The following NUP210 variants were observed in gnomAD, a reference collection of about 807,000 sequenced individuals.
The protein encoded by NUP210 is nuclear pore membrane glycoprotein 210.
Under a neutral mutation model 196.0 loss-of-function variants are expected in NUP210, and 151 were observed. The observed-to-expected ratio is 0.77, with a 90% CI of 0.67 to 0.88. The LOEUF is 0.88. NUP210 is among the 40% of genes least tolerant of loss of function. The pLI is 0.00. For missense variants in NUP210, 2,314 were observed against 2,493.7 expected, an observed-to-expected ratio of 0.93 and a Z score of 1.53; for synonymous variants, 1,070 against 1,052.7, an observed-to-expected ratio of 1.02 and a Z score of -0.32.
intron 16 of NUP210, among the ~76,000 whole-genome samples, chr3:13,355,526 AT>A (rs1415526948): frequency 6.6e-6 from 1 of 152,208 alleles, no homozygotes; most frequent in African/African-American, 2.4e-5. Context: ...AAGCTACGGG[AT>A]GTGGGCTTGT....
At chr3:13,329,009 C>T (rs1214499410) in intron 30 of NUP210, 63 bp from the exon 31 acceptor site, 82 of 1,500,376 alleles carry the variant, frequency 5.5e-5, no homozygotes, top group Non-Finnish European at 7.0e-5. Flanking sequence ...CAGGAAAACC[C>T]ACCTCCCAAG....
Position 13,353,933 on chromosome 3 carries a change from C to A in NUP210, c.2503G>T (p.Gly835Cys), listed in dbSNP as rs140614881. The change falls in exon 17 of 40, where the codon GGC (glycine) becomes TGC (cysteine). Residue 835 changes from glycine (G) to cysteine (C), a missense_variant. By Grantham distance (159) the Gly-to-Cys change is radical. Coordinates refer to ENST00000254508, the MANE Select transcript of NUP210 (RefSeq NM_024923.4). ...MQLVSQDDES[G>C]QKKLHGLQAI... is the part of the protein sequence containing the mutation. Reference sequence around the variant, plus strand: ...AGCTCACCGTGCAGCTTCTTTTGGCCACTCTCATCGTCCTGGGACACCAGC... The same window carrying A: ...AGCTCACCGTGCAGCTTCTTTTGGCAACTCTCATCGTCCTGGGACACCAGC... The A allele has an allele frequency of 1.9e-6, 3 of 1,609,144 alleles. No individual in the cohort carries two copies. In the East Asian group the frequency reaches 6.7e-5, roughly 36 times the overall value.
In NUP210 at chr3:13,366,087, C is replaced by G. The variant is rs1193287233; in HGVS notation, c.1791G>C (p.Arg597Ser). Residue 597 changes from arginine (R) to serine (S), a missense_variant, in exon 14 of 40, where the codon AGG (arginine) becomes AGC (serine). Arg to Ser is a moderately radical substitution (Grantham distance 110, BLOSUM62 -1). Transcript: ENST00000254508. ...TGCAGTGCTCAGAGCCTGGCGGCAG[C>G]CTCCCTACAGAAAGGAGAGAACTAG... Reference protein sequence around the residue: ...NQGVFQPLPGRLPPGSEHCSG... With the variant: ...NQGVFQPLPGSLPPGSEHCSG... 6.2e-7 allele frequency: 1 copy of G among 1,613,234 alleles called. No individual in the cohort carries two copies. Among genetic ancestry groups the G allele is most frequent in the African/African-American group, 1.3e-5 (1 of 74,898 alleles).
Position 13,328,910 on chromosome 3 carries a change from G to T in NUP210, c.4147C>A (p.Pro1383Thr), listed in dbSNP as rs947095239. ...PVSYLRVSMS[P>T]VLHTQNKEAL... ...TCCTTGTTCTGGGTGTGCAGGACAG[G>T]GCTCATGGAAACCCTCAGGTAGGAA... Residue 1383 changes from proline (P) to threonine (T), a missense_variant, in exon 31 of 40, where the codon CCT (proline) becomes ACT (threonine). By Grantham distance (38) the Pro-to-Thr change is conservative. Transcript: ENST00000254508. 2 of 1,613,898 alleles carry T rather than the reference G, an allele frequency of 1.2e-6. No homozygotes were observed. The highest frequency in any genetic ancestry group is 2.7e-5 in the African/African-American group (2 of 74,898).
chr3:13,361,184 G>T (rs1036742351), intron 14 of NUP210, among the ~76,000 whole-genome samples: 2 of 152,204 alleles, frequency 1.3e-5, no homozygotes, highest in African/African-American at 4.8e-5. Flanking sequence ...CCCATACTTT[G>T]CACCACGTAT....
intron 13 of NUP210, among the ~76,000 whole-genome samples, chr3:13,371,427 A>G (rs1000515920): frequency 6.6e-6 from 1 of 152,214 alleles, no homozygotes; most frequent in African/African-American, 2.4e-5. Context: ...TGTCACCATC[A>G]AAATCCCACA....
intron 1 of NUP210, among the ~76,000 whole-genome samples, chr3:13,413,195 C>A (rs1232992506): frequency 6.6e-6 from 1 of 151,822 alleles, no homozygotes; most frequent in Non-Finnish European, 1.5e-5. Context: ...AGGCCGGGCG[C>A]GGTGGCTCAC....
intron 25 of NUP210, among the ~76,000 whole-genome samples, 167 bp from the exon 26 acceptor site, chr3:13,338,084 A>T (rs1269438900): frequency 2.0e-5 from 3 of 152,164 alleles, no homozygotes; most frequent in Non-Finnish European, 4.4e-5. Flanking sequence ...TGGCTTTGTG[A>T]GTGGCTCTCC....
chr3:13,364,740 A>T (rs1263014761), intron 14 of NUP210, among the ~76,000 whole-genome samples: 1 of 152,208 alleles, frequency 6.6e-6, no homozygotes, highest in East Asian at 1.9e-4. Flanking sequence ...AGGCAGGAGA[A>T]TCGCTTAACC....
intron 28 of NUP210, among the ~76,000 whole-genome samples, chr3:13,332,843 G>A (rs1312100827): frequency 3.9e-5 from 6 of 152,178 alleles, no homozygotes; most frequent in Non-Finnish European, 7.4e-5. Context: ...CTCCCTCCGT[G>A]CCCAGTGAGG....
Position 13,340,410 on chromosome 3 carries a change from T to G in NUP210, c.3229-112A>C, listed in dbSNP as rs1697427011. The G allele has an allele frequency of 2.1e-6, 2 of 937,012 alleles. No individual in the cohort carries two copies. The highest frequency in any genetic ancestry group is 2.0e-5 in the Admixed American group (1 of 49,698). The allele number at this position is 937,012 out of a possible 1,614,324, so 58.0% of individuals were successfully genotyped here. On this transcript the variant is annotated intron_variant, in intron 23 of 39. Coordinates refer to ENST00000254508, the MANE Select transcript of NUP210 (RefSeq NM_024923.4). The surrounding 1 kb of genome is among the most constrained non-coding windows in gnomAD (Gnocchi z 4.0). Reference sequence around the variant, plus strand: ...GGAAAACCTGGGACATGGACATCACTTCTCTCTGAGCAGTGACCAGAGGGC... The same window carrying G: ...GGAAAACCTGGGACATGGACATCACGTCTCTCTGAGCAGTGACCAGAGGGC...
At chr3:13,385,631 A>G (rs767111804) in intron 6 of NUP210, among the ~76,000 whole-genome samples, 1 of 152,262 alleles carries the variant, frequency 6.6e-6, no homozygotes. Context: ...GGCAAAGCCC[A>G]GCTAAACACA....
chr3:13,346,968 G>T (rs1172394112), intron 20 of NUP210: 1 of 977,326 alleles, frequency 1.0e-6, no homozygotes, highest in East Asian at 1.1e-4. Context: ...CCTTCCCAAG[G>T]GCGAGGACTG....
intron 3 of NUP210, among the ~76,000 whole-genome samples, chr3:13,396,024 A>C (rs528173097): frequency 6.6e-6 from 1 of 152,210 alleles, no homozygotes; most frequent in Non-Finnish European, 1.5e-5. Context: ...CACAGGTCAG[A>C]AGGCAGTGTC....
At chr3:13,392,987 T>C (rs1235933126) in intron 3 of NUP210, among the ~76,000 whole-genome samples, 2 of 152,170 alleles carry the variant, frequency 1.3e-5, no homozygotes, top group Non-Finnish European at 2.9e-5. Flanking sequence ...ATGGAGTCCC[T>C]ATAATAGTGT....
intron 6 of NUP210, among the ~76,000 whole-genome samples, chr3:13,381,758 C>A (rs1190107619): frequency 6.6e-6 from 1 of 152,154 alleles, no homozygotes; most frequent in Non-Finnish European, 1.5e-5. Context: ...AGCTGCCCTT[C>A]TATAGGTCAG....
At chr3:13,342,889 G>T (rs531599719) in intron 21 of NUP210, among the ~76,000 whole-genome samples, 4 of 152,354 alleles carry the variant, frequency 2.6e-5, no homozygotes. Context: ...ACCTACACCA[G>T]CCAGAAGACA....
At chr3:13,335,200 A>G (rs1045716243) in intron 28 of NUP210, among the ~76,000 whole-genome samples, 2 of 152,226 alleles carry the variant, frequency 1.3e-5, no homozygotes, top group Non-Finnish European at 2.9e-5. Context: ...TCCCACCTCC[A>G]GGCCTTTGCC....
At position 13,340,167 on chromosome 3, in the gene NUP210, G is replaced by A. The variant is rs2271507; in HGVS notation, c.3291+69C>T. 232 of 1,606,342 alleles carry A rather than the reference G, an allele frequency of 1.4e-4. No individual in the cohort carries two copies. The East Asian group carries it at 5.0e-3, about 35-fold the overall frequency. On this transcript the variant is annotated intron_variant, in intron 24 of 39. Transcript: ENST00000254508. The surrounding 1 kb of genome is among the most constrained non-coding windows in gnomAD (Gnocchi z 4.0). ...CCAGTCACTGCACGCAGGGCCAGAG[G>A]CGGCGTGCCTGGAACCAGGTGGTGG...
Sources: gnomAD v4.1 joint callset for allele counts (sites outside exome capture counted in the v4.1 genomes callset) on GRCh38, gnomAD v4.1.1 for gene constraint, Gnocchi (gnomAD v3.1) non-coding constraint, MANE v1.5 for transcripts, NCBI Gene and HGNC (gene_info 2026-07-23, HGNC 2026-07-21) for gene names.